The following DYM variants were observed in gnomAD, a reference collection of about 807,000 sequenced individuals.
DYM encodes dymeclin, also known as dyggve-Melchior-Clausen syndrome protein.
In DYM, 78 loss-of-function variants were observed where a neutral mutation model predicts 93.1. That is an observed-to-expected ratio of 0.84 (90% confidence interval 0.70 to 1.01). The LOEUF (loss-of-function observed/expected upper bound fraction) is 1.01, where lower values mean the gene tolerates loss of function less well. Ranked by LOEUF, DYM falls within the 50% of genes least tolerant of loss-of-function variation. DYM has a pLI of 0.00. For synonymous variants in DYM, 321 were observed against 319.7 expected, an observed-to-expected ratio of 1.00 and a Z score of -0.04; for missense variants, 789 against 845.0, an observed-to-expected ratio of 0.93 and a Z score of 0.82.
At chr18:49,427,414 A>C (rs1282511498) in intron 2 of DYM, among the ~76,000 whole-genome samples, 4 of 152,226 alleles carry the variant, frequency 2.6e-5, no homozygotes, top group Admixed American at 2.6e-4. Flanking sequence ...TTTAAGGACA[A>C]GAACCATCAA....
chr18:49,055,953 T>C (rs915609112), intron 17 of DYM, among the ~76,000 whole-genome samples: 2 of 152,126 alleles, frequency 1.3e-5, no homozygotes, highest in Non-Finnish European at 2.9e-5. Flanking sequence ...GAACAACGGC[T>C]TCCCGCTGCT....
chr18:49,270,295 TA>T (rs1179409191), intron 11 of DYM, among the ~76,000 whole-genome samples: 56 of 152,310 alleles, frequency 3.7e-4, no homozygotes, highest in African/African-American at 1.3e-3. Context: ...ACAACATAGG[TA>T]AACCTAGAGG....
At chr18:49,264,606 G>A (rs1307095175) in intron 11 of DYM, among the ~76,000 whole-genome samples, 2 of 152,134 alleles carry the variant, frequency 1.3e-5, no homozygotes, top group Non-Finnish European at 2.9e-5. Context: ...CGGGTTGAAC[G>A]ATGATTACTG....
intron 13 of DYM, among the ~76,000 whole-genome samples, chr18:49,222,104 C>CA (rs201734253): frequency 0.026 from 3,931 of 151,662 alleles, 169 homozygotes; most frequent in African/African-American, 0.089. Flanking sequence ...GAAACACACA[C>CA]AAAAAAATCC....
At chr18:49,164,974 A>G (rs2087681003) in intron 14 of DYM, among the ~76,000 whole-genome samples, 1 of 152,226 alleles carries the variant, frequency 6.6e-6, no homozygotes, top group Admixed American at 6.5e-5. Flanking sequence ...GTTAAATGTC[A>G]GAGATTTTCA....
chr18:49,149,705 T>TTG (rs1420514085), intron 15 of DYM, among the ~76,000 whole-genome samples: 1 of 137,938 alleles, frequency 7.2e-6, no homozygotes, highest in East Asian at 2.1e-4. Context: ...ACAAAGTGTT[T>TTG]TTTTTTTTTT....
intron 3 of DYM, among the ~76,000 whole-genome samples, chr18:49,389,397 T>C (rs139724879): frequency 9.9e-5 from 15 of 152,200 alleles, no homozygotes; most frequent in African/African-American, 3.6e-4. Flanking sequence ...TACAAAAATA[T>C]CAACAATGCC....
Position 49,430,144 on chromosome 18 carries a change from A to G in DYM, c.140+111T>C, listed in dbSNP as rs373012712. The G allele has an allele frequency of 2.0e-4, 200 of 1,022,376 alleles. 2 individuals carry two copies. Among genetic ancestry groups the G allele is most frequent in the East Asian group, 1.8e-3 (74 of 41,752 alleles). The allele number at this position is 1,022,376 out of a possible 1,614,324, so 63.3% of individuals were successfully genotyped here. The stretch of plus-strand genomic sequence containing the variant: ...GATTTTCTACTGATCTATGTATGAC[A>G]GATAGACTAGATAGATAGACAGAAC... On this transcript the variant is annotated intron_variant, in intron 2 of 17. Coordinates refer to ENST00000675505, the MANE Select transcript of DYM (RefSeq NM_001353214.3).
At chr18:49,208,882 T>C (rs559374924) in intron 14 of DYM, 2 of 152,250 alleles carry the variant, frequency 1.3e-5, no homozygotes, top group East Asian at 3.9e-4. Flanking sequence ...TGCCCCTCTA[T>C]TTTGGTGCAC....
At chr18:49,197,426 AGTT>A (rs2091566888) in intron 14 of DYM, among the ~76,000 whole-genome samples, 1 of 152,124 alleles carries the variant, frequency 6.6e-6, no homozygotes, top group African/African-American at 2.4e-5. Context: ...TGTACTACCT[AGTT>A]CATCTGTTGA....
intron 16 of DYM, among the ~76,000 whole-genome samples, chr18:49,102,766 T>G (rs555165280): frequency 5.3e-5 from 8 of 152,334 alleles, no homozygotes; most frequent in South Asian, 2.1e-4. Flanking sequence ...TATGGCTGCA[T>G]AGTATTCCAT....
At chr18:49,376,329 T>C (rs1177281251) in intron 5 of DYM, among the ~76,000 whole-genome samples, 1 of 152,220 alleles carries the variant, frequency 6.6e-6, no homozygotes, top group African/African-American at 2.4e-5. Flanking sequence ...TTCAGTATGC[T>C]CTCAAGGATG....
At chr18:49,205,527 T>C (rs945578020) in intron 14 of DYM, among the ~76,000 whole-genome samples, 2 of 152,068 alleles carry the variant, frequency 1.3e-5, no homozygotes, top group Non-Finnish European at 2.9e-5. Flanking sequence ...TTATAAAATA[T>C]ACTGAAATAT....
At chr18:49,212,315 A>G (rs2092820833) in intron 13 of DYM, among the ~76,000 whole-genome samples, 2 of 152,136 alleles carry the variant, frequency 1.3e-5, no homozygotes, top group Admixed American at 1.3e-4. Flanking sequence ...GATTTTGAAA[A>G]ATATCCTTAT....
chr18:49,236,486 A>AAAAAC (rs2093868438), intron 13 of DYM, among the ~76,000 whole-genome samples: 1 of 148,180 alleles, frequency 6.7e-6, no homozygotes, highest in South Asian at 2.2e-4. Context: ...TCTCAAAAAA[A>AAAAAC]AAAATAAATA....
At chr18:49,213,682 A>G (rs1383499391) in intron 13 of DYM, among the ~76,000 whole-genome samples, 1 of 152,188 alleles carries the variant, frequency 6.6e-6, no homozygotes, top group Non-Finnish European at 1.5e-5. Context: ...GAGGCAAGTT[A>G]ACCTTTACCT....
At chr18:49,246,274 C>T (rs995037598) in intron 13 of DYM, among the ~76,000 whole-genome samples, 2 of 152,206 alleles carry the variant, frequency 1.3e-5, no homozygotes, top group Non-Finnish European at 2.9e-5. Context: ...TTACATTGGA[C>T]ACGTGAGCCA....
chr18:49,090,509 G>A (rs1490076220), intron 17 of DYM, among the ~76,000 whole-genome samples: 2 of 152,250 alleles, frequency 1.3e-5, no homozygotes, highest in African/African-American at 4.8e-5. Context: ...AGCAGATTTA[G>A]TCTGAAGAAG....
At chr18:49,358,009 G>A (rs1480266595) in intron 6 of DYM, among the ~76,000 whole-genome samples, 1 of 152,086 alleles carries the variant, frequency 6.6e-6, no homozygotes, top group African/African-American at 2.4e-5. Flanking sequence ...AATTAGCCAG[G>A]CATGGTGGCA....
Sources: allele counts gnomAD v4.1 joint callset (sites outside exome capture counted in the v4.1 genomes callset), GRCh38; gene constraint gnomAD v4.1.1; transcripts MANE v1.5; gene names NCBI Gene and HGNC (gene_info 2026-07-23, HGNC 2026-07-21).